LEKR1: variants seen among roughly 807,000 people sequenced by gnomAD.
The protein encoded by LEKR1 is protein LEKR1.
Under a neutral mutation model 72.4 loss-of-function variants are expected in LEKR1, and 59 were observed. The observed-to-expected ratio is 0.82, with a 90% CI of 0.66 to 1.01. The LOEUF (loss-of-function observed/expected upper bound fraction) is 1.01. Ranked by LOEUF, LEKR1 falls within the 50% of genes least tolerant of loss-of-function variation. The probability of loss-of-function intolerance (pLI) is 0.00; values close to 1 mark genes in which losing one functional copy is unlikely to be tolerated. For missense variants in LEKR1, 728 were observed against 759.2 expected, an observed-to-expected ratio of 0.96 and a Z score of 0.48; for synonymous variants, 257 against 263.2, an observed-to-expected ratio of 0.98 and a Z score of 0.23.
At chr3:156,947,971 A>G (rs1726829651) in intron 6 of LEKR1, among the ~76,000 whole-genome samples, 2 of 151,182 alleles carry the variant, frequency 1.3e-5, no homozygotes, top group South Asian at 2.1e-4. Context: ...TACTCATTAC[A>G]TCTTTCCCAC....
intron 5 of LEKR1, among the ~76,000 whole-genome samples, chr3:156,929,034 A>G (rs1406339371): frequency 6.6e-6 from 1 of 152,072 alleles, no homozygotes; most frequent in Non-Finnish European, 1.5e-5. Context: ...TATCATAACA[A>G]TGCTCAAGGA....
At chr3:157,043,066 T>C (rs1334118474) in intron 12 of LEKR1, among the ~76,000 whole-genome samples, 1 of 152,106 alleles carries the variant, frequency 6.6e-6, no homozygotes, top group Non-Finnish European at 1.5e-5. Flanking sequence ...TGAGATCTGG[T>C]TGTTTAAAGT....
intron 12 of LEKR1, among the ~76,000 whole-genome samples, chr3:157,034,862 G>C (rs765776049): frequency 1.3e-5 from 2 of 151,960 alleles, no homozygotes; most frequent in Admixed American, 6.6e-5. Flanking sequence ...GCCCAGGCTG[G>C]AGTGCAGTGG....
At chr3:156,911,081 G>A (rs1281724826) in intron 3 of LEKR1, among the ~76,000 whole-genome samples, 1 of 152,020 alleles carries the variant, frequency 6.6e-6, no homozygotes, top group Non-Finnish European at 1.5e-5. Context: ...TTCCTCTAAC[G>A]ACTAGAGATG....
intron 4 of LEKR1, among the ~76,000 whole-genome samples, chr3:156,922,217 A>G (rs973629545): frequency 6.6e-6 from 1 of 152,202 alleles, no homozygotes; most frequent in Non-Finnish European, 1.5e-5. Context: ...AGAAAAAGGT[A>G]TACTGTTAAA....
intron 2 of LEKR1, among the ~76,000 whole-genome samples, chr3:156,833,991 A>G (rs1712786077): frequency 6.6e-6 from 1 of 151,870 alleles, no homozygotes. Context: ...TCAAAAGAGG[A>G]AAACCAAATT....
At chr3:156,903,080 G>A (rs1722192112) in intron 3 of LEKR1, among the ~76,000 whole-genome samples, 1 of 151,926 alleles carries the variant, frequency 6.6e-6, no homozygotes, top group Non-Finnish European at 1.5e-5. Flanking sequence ...AAACAAAAAT[G>A]TTTTCTATAT....
At chr3:156,951,373 A>T (rs2107975822) in intron 6 of LEKR1, among the ~76,000 whole-genome samples, 1 of 151,798 alleles carries the variant, frequency 6.6e-6, no homozygotes, top group Middle Eastern at 3.4e-3. Flanking sequence ...TGCTGACCTC[A>T]TAAAATGAGT....
Position 157,045,558 on chromosome 3 carries a change from A to C in LEKR1, c.1887A>C (p.Lys629Asn). The C allele has an allele frequency of 6.2e-7, 1 of 1,614,148 alleles. No homozygotes were observed. Among genetic ancestry groups the C allele is most frequent in the Non-Finnish European group, 8.5e-7 (1 of 1,180,012 alleles). The change falls in exon 13 of 13, where the codon AAA (lysine) becomes AAC (asparagine). Residue 629 changes from lysine to asparagine, a missense_variant. Transcript: ENST00000356539. ...GCCTTGCAAGACTGAACTCTGAAAAAGGAATCCAAATTCCCAACCTGCGCG... is the reference window on the plus strand; with the variant it reads ...GCCTTGCAAGACTGAACTCTGAAAACGGAATCCAAATTCCCAACCTGCGCG... ...ERSLARLNSEKGIQIPNLRGV... is the reference protein window; with the variant it reads ...ERSLARLNSENGIQIPNLRGV...
intron 9 of LEKR1, among the ~76,000 whole-genome samples, chr3:157,007,120 T>C (rs1440676804): frequency 6.6e-6 from 1 of 152,148 alleles, no homozygotes; most frequent in Non-Finnish European, 1.5e-5. Context: ...GAGAATGGCG[T>C]GAACCCGGGA....
intron 6 of LEKR1, among the ~76,000 whole-genome samples, chr3:156,965,058 T>C (rs1728449186): frequency 6.6e-6 from 1 of 152,156 alleles, no homozygotes; most frequent in African/African-American, 2.4e-5. Context: ...ATACATGTGA[T>C]TGTGTGATTT....
chr3:157,030,858 G>C (rs1734553571), intron 12 of LEKR1, among the ~76,000 whole-genome samples: 1 of 152,134 alleles, frequency 6.6e-6, no homozygotes, highest in East Asian at 1.9e-4. Context: ...CTTGCCACAT[G>C]GACCTCTCCA....
chr3:156,964,754 C>A (rs755127790), intron 6 of LEKR1, among the ~76,000 whole-genome samples: 4 of 152,140 alleles, frequency 2.6e-5, no homozygotes, highest in Non-Finnish European at 4.4e-5. Flanking sequence ...GTACAGGAAT[C>A]TCTGTAAGCA....
rs114428445 is a variant in LEKR1 at position 156,931,555 on chromosome 3, A to G, written c.559+3951A>G. 5.0e-3 allele frequency among the ~76,000 whole-genome samples: 766 copies of G among 152,314 alleles called. 9 individuals carry two copies. The highest frequency in any genetic ancestry group is 0.023 in the Admixed American group (345 of 15,296). On this transcript the variant is annotated intron_variant, in intron 5 of 12. Transcript: ENST00000356539. ...GATACTTATATGAGAATATTCAGCAACTTTATTCAAGCTTAATTCAAAATA... is the reference window on the plus strand; with the variant it reads ...GATACTTATATGAGAATATTCAGCAGCTTTATTCAAGCTTAATTCAAAATA...
intron 4 of LEKR1, 24 bp downstream of exon 4, chr3:156,920,718 A>G (rs1047467117): frequency 1.4e-5 from 17 of 1,231,892 alleles, no homozygotes; most frequent in East Asian, 7.9e-5. Flanking sequence ...ACTGAAAATT[A>G]TAAAGATTGA....
chr3:156,974,781 A>G (rs1729545210), intron 6 of LEKR1, among the ~76,000 whole-genome samples: 1 of 152,196 alleles, frequency 6.6e-6, no homozygotes, highest in Non-Finnish European at 1.5e-5. Flanking sequence ...ATGTGTTCCC[A>G]TCATCCATAG....
chr3:156,936,126 C>G (rs1725678614), intron 5 of LEKR1, among the ~76,000 whole-genome samples: 1 of 152,068 alleles, frequency 6.6e-6, no homozygotes, highest in South Asian at 2.1e-4. Flanking sequence ...TAAACAAACA[C>G]TATTCAGAGT....
intron 3 of LEKR1, among the ~76,000 whole-genome samples, chr3:156,880,941 A>T (rs973304758): frequency 1.3e-5 from 2 of 152,224 alleles, no homozygotes; most frequent in Non-Finnish European, 2.9e-5. Context: ...CCTTCGACAA[A>T]ATTCAAAAAC....
At chr3:157,023,497 A>G (rs1733979153) in intron 10 of LEKR1, among the ~76,000 whole-genome samples, 1 of 152,156 alleles carries the variant, frequency 6.6e-6, no homozygotes, top group African/African-American at 2.4e-5. Flanking sequence ...GCAGTCAGTC[A>G]TTTAGTATGG....
Sources: gnomAD v4.1 joint callset for allele counts (sites outside exome capture counted in the v4.1 genomes callset) on GRCh38, gnomAD v4.1.1 for gene constraint, MANE v1.5 for transcripts, NCBI Gene and HGNC (gene_info 2026-07-23, HGNC 2026-07-21) for gene names.